The following NTM variants were observed in gnomAD, a reference collection of about 807,000 sequenced individuals.
The protein encoded by NTM is IgLON family member 2.
A neutral mutation model predicts 42.1 loss-of-function variants in NTM; 13 were observed. The observed-to-expected ratio is 0.31, with a 90% CI of 0.20 to 0.49. The LOEUF (loss-of-function observed/expected upper bound fraction) is 0.49, where lower values mean the gene tolerates loss of function less well. NTM is among the 20% of genes least tolerant of loss of function. NTM has a pLI of 0.99. For missense variants in NTM, 373 were observed against 452.8 expected, an observed-to-expected ratio of 0.82 and a Z score of 1.60; for synonymous variants, 187 against 179.2, an observed-to-expected ratio of 1.04 and a Z score of -0.35.
chr11:131,910,649 C>A (rs992206378), intron 1 of NTM, among the ~76,000 whole-genome samples: 2 of 150,240 alleles, frequency 1.3e-5, no homozygotes, highest in African/African-American at 2.4e-5. Context: ...GCGCGGAGGC[C>A]GGGGGCGGCC....
At chr11:132,018,979 T>C (rs1482260386) in intron 2 of NTM, among the ~76,000 whole-genome samples, 1 of 151,986 alleles carries the variant, frequency 6.6e-6, no homozygotes, top group Non-Finnish European at 1.5e-5. Flanking sequence ...TTCATATAAA[T>C]TATCTAATTT....
rs541831367 is a variant in NTM, at chr11:131,932,491, C to T, written c.167+20843C>T. Among the ~76,000 whole-genome samples, 143 of 152,248 alleles carry T rather than the reference C, an allele frequency of 9.4e-4. 1 individual carries two copies. Among genetic ancestry groups the T allele is most frequent in the African/African-American group, 3.0e-3 (125 of 41,550 alleles). The stretch of plus-strand genomic sequence containing the variant: ...GATTGTACATGCTGTATTGGAAATA[C>T]GTTTTAGTGTCTAAAACGGTGCAGA... On this transcript the variant is annotated intron_variant, in intron 2 of 8. Transcript: ENST00000683400.
intron 2 of NTM, among the ~76,000 whole-genome samples, chr11:131,922,443 A>G (rs1272732014): frequency 6.6e-6 from 1 of 152,134 alleles, no homozygotes; most frequent in African/African-American, 2.4e-5. Flanking sequence ...CGCAAGGCCC[A>G]CTGGACCACG....
intron 4 of NTM, among the ~76,000 whole-genome samples, chr11:132,275,797 A>G (rs1375142073): frequency 3.7e-5 from 5 of 136,106 alleles, no homozygotes; most frequent in Non-Finnish European, 6.4e-5. Flanking sequence ...GGTAGTTAGT[A>G]TAGCCATCGC....
At chr11:131,933,908 CCCTACATATTA>C (rs144377743) in intron 2 of NTM, among the ~76,000 whole-genome samples, 4,254 of 151,998 alleles carry the variant, frequency 0.028, 203 homozygotes, top group African/African-American at 0.097. Context: ...TTACAAAGTG[CCCTACATATTA>C]CCTCCTTTAA....
At chr11:132,138,836 G>A (rs570887755) in intron 2 of NTM, among the ~76,000 whole-genome samples, 3 of 152,220 alleles carry the variant, frequency 2.0e-5, no homozygotes, top group African/African-American at 7.2e-5. Context: ...GGGAGGGTGG[G>A]TCTTATTTAT....
At chr11:131,851,240 A>G (rs988511179) in intron 1 of NTM, among the ~76,000 whole-genome samples, 1 of 152,166 alleles carries the variant, frequency 6.6e-6, no homozygotes, top group African/African-American at 2.4e-5. Context: ...TTGGTATCAT[A>G]GAGCAGTAGC....
intron 1 of NTM, among the ~76,000 whole-genome samples, chr11:131,735,620 A>G (rs2080314198): frequency 6.6e-6 from 1 of 152,236 alleles, no homozygotes; most frequent in Non-Finnish European, 1.5e-5. Flanking sequence ...GAGCAAGAAT[A>G]CATCACTGAG....
At chr11:131,664,749 C>T (rs2068700700) in intron 1 of NTM, among the ~76,000 whole-genome samples, 2 of 105,598 alleles carry the variant, frequency 1.9e-5, no homozygotes. Context: ...TGCTCTCTTC[C>T]ATTGTTTTTT....
At chr11:131,664,883 A>C (rs2068753878) in intron 1 of NTM, among the ~76,000 whole-genome samples, 1 of 151,778 alleles carries the variant, frequency 6.6e-6, no homozygotes, top group Non-Finnish European at 1.5e-5. Context: ...TGTTACTCAG[A>C]GAAGCTAAAC....
chr11:131,510,486 AT>A, intron 1 of NTM, among the ~76,000 whole-genome samples: 1 of 152,256 alleles, frequency 6.6e-6, no homozygotes, highest in South Asian at 2.1e-4. Flanking sequence ...AGCCAGACAG[AT>A]TTCAGTTCAA....
rs146689673 is a variant in NTM at position 131,417,482 on chromosome 11, A to G, written c.82+46594A>G. Among the ~76,000 whole-genome samples, 141 of 152,280 alleles carry G rather than the reference A, an allele frequency of 9.3e-4. 2 individuals are homozygous for G. Among genetic ancestry groups the G allele is most frequent in the African/African-American group, 3.3e-3 (138 of 41,556 alleles). On this transcript the variant is annotated intron_variant, in intron 1 of 8. Coordinates refer to ENST00000683400, the MANE Select transcript of NTM (RefSeq NM_001352005.2). ...TAGAGCAAACTTGAAGGCAGTGTGT[A>G]GCCCTATAGGTATAGGGAAGGGTCT...
chr11:132,098,186 A>G (rs2061243698), intron 2 of NTM, among the ~76,000 whole-genome samples: 1 of 152,254 alleles, frequency 6.6e-6, no homozygotes, highest in African/African-American at 2.4e-5. Flanking sequence ...ACCAAAAATT[A>G]AAAGTGATAA....
intron 1 of NTM, among the ~76,000 whole-genome samples, chr11:131,891,620 G>T (rs2051354255): frequency 6.6e-6 from 1 of 152,110 alleles, no homozygotes; most frequent in Non-Finnish European, 1.5e-5. Flanking sequence ...CTCCACCAGT[G>T]GCCACTGGAA....
chr11:131,969,884 G>A (rs2063316153), intron 2 of NTM, among the ~76,000 whole-genome samples: 1 of 152,108 alleles, frequency 6.6e-6, no homozygotes, highest in South Asian at 2.1e-4. Flanking sequence ...TGGCACCATC[G>A]TGGCTCACTA....
At chr11:131,533,348 A>C (rs1301686733) in intron 1 of NTM, among the ~76,000 whole-genome samples, 2 of 152,200 alleles carry the variant, frequency 1.3e-5, no homozygotes, top group African/African-American at 4.8e-5. Flanking sequence ...TTACACCCTG[A>C]CATTTAAGGA....
At chr11:131,922,217 G>C (rs1185501248) in intron 2 of NTM, 1 of 152,558 alleles carries the variant, frequency 6.6e-6, no homozygotes, top group Non-Finnish European at 1.5e-5. Context: ...ATGGCTGCTG[G>C]ACATTTCTTT....
chr11:131,956,347 T>A (rs2061553081), intron 2 of NTM, among the ~76,000 whole-genome samples: 1 of 152,176 alleles, frequency 6.6e-6, no homozygotes, highest in African/African-American at 2.4e-5. Flanking sequence ...GTTGTCCACA[T>A]TAAAAAGGCA....
chr11:131,753,954 A>G (rs1465683824), intron 1 of NTM, among the ~76,000 whole-genome samples: 1 of 151,896 alleles, frequency 6.6e-6, no homozygotes, highest in East Asian at 1.9e-4. Flanking sequence ...ATGCAGCCAT[A>G]AAAAGTGATG....
Sources: allele counts gnomAD v4.1 joint callset (sites outside exome capture counted in the v4.1 genomes callset), GRCh38; gene constraint gnomAD v4.1.1; transcripts MANE v1.5; gene names NCBI Gene and HGNC (gene_info 2026-07-23, HGNC 2026-07-21).